Variants in CLASP1 observed in about 807,000 individuals in gnomAD.
CLASP1 encodes the protein cytoplasmic linker associated protein 1, also known as CLIP-associating protein 1.
In CLASP1, 38 loss-of-function variants were observed where a neutral mutation model predicts 192.3. The observed-to-expected ratio is 0.20, with a 90% CI of 0.15 to 0.26. The LOEUF (loss-of-function observed/expected upper bound fraction) is 0.26. Among genes scored for constraint, CLASP1 ranks in the 10% least tolerant of loss-of-function variants. The pLI is 1.00. For synonymous variants in CLASP1, 691 were observed against 712.8 expected (o/e 0.97, Z 0.49); for missense variants, 1,433 against 1,932.5 (o/e 0.74, Z 4.85).
chr2:121,648,891 C>T (rs145512197), intron 1 of CLASP1, among the ~76,000 whole-genome samples: 126 of 152,348 alleles, frequency 8.3e-4, no homozygotes, highest in African/African-American at 2.9e-3. Context: ...GACGGGAGCC[C>T]GGGCCGCCCG....
At chr2:121,574,096 G>A (rs28546858) in intron 2 of CLASP1, among the ~76,000 whole-genome samples, 12,514 of 152,224 alleles carry the variant, frequency 0.082, 595 homozygotes, top group African/African-American at 0.12. Flanking sequence ...CTGATGGCCC[G>A]AGGCGGGCAG....
At chr2:121,401,583 T>G (rs1282781193) in exon 28 of CLASP1, 3 of 1,613,166 alleles carry the variant, frequency 1.9e-6, no homozygotes, top group Non-Finnish European at 2.5e-6. Context: ...TCTTAAGTAA[T>G]TGTGTGAGAA....
chr2:121,572,094 A>G (rs552876434), intron 2 of CLASP1, among the ~76,000 whole-genome samples: 3 of 152,334 alleles, frequency 2.0e-5, no homozygotes, highest in Non-Finnish European at 2.9e-5. Flanking sequence ...AGGCAGAATT[A>G]GAAGAAAAAA....
chr2:121,535,649 G>A (rs1177201667), intron 2 of CLASP1, among the ~76,000 whole-genome samples: 1 of 151,678 alleles, frequency 6.6e-6, no homozygotes, highest in East Asian at 1.9e-4. Context: ...ACATTCATTA[G>A]AATTTTTTTT....
At chr2:121,613,689 T>G (rs937035622) in intron 1 of CLASP1, among the ~76,000 whole-genome samples, 1 of 151,920 alleles carries the variant, frequency 6.6e-6, no homozygotes, top group Non-Finnish European at 1.5e-5. Context: ...CTGTGGCACT[T>G]ACACACACTA....
rs536525615 is a variant in CLASP1 at position 121,642,376 on chromosome 2, G to C, written c.-286+6996C>G. The stretch of plus-strand genomic sequence containing the variant: ...GATCATACCACCACACTCCACCCTG[G>C]GTGACAGAGCAGGTATCTTTTTGCT... On this transcript the variant is annotated intron_variant, in intron 1 of 39. Coordinates refer to ENST00000263710, the Ensembl canonical transcript of CLASP1. Among the ~76,000 whole-genome samples, 3 of 150,498 alleles carry C rather than the reference G, an allele frequency of 2.0e-5. No homozygotes were observed. In the South Asian group the frequency reaches 6.3e-4, roughly 32 times the overall value.
rs1462536464 is a variant in CLASP1, at chr2:121,628,428, C to T, written c.-286+20944G>A. Among the ~76,000 whole-genome samples the T allele has an allele frequency of 1.2e-3, 177 of 152,234 alleles. 2 individuals are homozygous for T. The highest frequency in any genetic ancestry group is 1.2e-4 in the Non-Finnish European group (8 of 68,024). On this transcript the variant is annotated intron_variant, in intron 1 of 39. Coordinates refer to ENST00000263710, the Ensembl canonical transcript of CLASP1. ...CGATGGCTTACACCTGTAATCCCAG[C>T]ACTTTGGGAGCCTGAGGTGCGTGGA...
intron 1 of CLASP1, among the ~76,000 whole-genome samples, chr2:121,646,327 T>C (rs903582080): frequency 3.7e-4 from 56 of 152,218 alleles, no homozygotes; most frequent in African/African-American, 1.3e-3. Context: ...GTTGCCCAGG[T>C]TGGTCTCAAA....
At chr2:121,459,596 A>G (rs2087464474) in intron 12 of CLASP1, 1 of 160,434 alleles carries the variant, frequency 6.2e-6, no homozygotes, top group Non-Finnish European at 1.4e-5. Flanking sequence ...TTACTGCAGT[A>G]AATGCCTTTA....
chr2:121,408,001 T>C, intron 24 of CLASP1: 1 of 507,026 alleles, frequency 2.0e-6, no homozygotes, highest in South Asian at 1.8e-5. Context: ...GTGCCAACAC[T>C]GACTGGGCTG....
chr2:121,382,184 C>T (rs2071841192), intron 33 of CLASP1, 24 bp downstream of exon 34: 3 of 1,557,466 alleles, frequency 1.9e-6, no homozygotes, highest in South Asian at 2.3e-5. Context: ...ACACCTCAGA[C>T]AAGTTTGACA....
chr2:121,424,708 T>G (rs1015985187), intron 22 of CLASP1, among the ~76,000 whole-genome samples: 1 of 152,188 alleles, frequency 6.6e-6, no homozygotes, highest in Non-Finnish European at 1.5e-5. Context: ...CACCATAAGT[T>G]TCACCAATTA....
At chr2:121,647,095 C>T (rs556954341) in intron 1 of CLASP1, among the ~76,000 whole-genome samples, 13 of 144,390 alleles carry the variant, frequency 9.0e-5, no homozygotes, top group South Asian at 6.7e-4. Context: ...GGGCCGAGCG[C>T]GATTGCTCAC....
chr2:121,432,325 G>A (rs917191786), intron 19 of CLASP1, among the ~76,000 whole-genome samples: 12 of 152,052 alleles, frequency 7.9e-5, no homozygotes, highest in African/African-American at 2.9e-4. Context: ...GACCATGTTG[G>A]CCAGGCTGGT....
intron 9 of CLASP1, among the ~76,000 whole-genome samples, chr2:121,467,177 C>T (rs575054910): frequency 6.6e-6 from 1 of 152,198 alleles, no homozygotes; most frequent in South Asian, 2.1e-4. Context: ...ATGTGGTATA[C>T]ATGTACCACA....
intron 23 of CLASP1, among the ~76,000 whole-genome samples, chr2:121,412,922 C>T (rs929184220): frequency 1.3e-5 from 2 of 152,162 alleles, no homozygotes; most frequent in Non-Finnish European, 2.9e-5. Flanking sequence ...TATGACTGTG[C>T]TCTCAGTCTG....
intron 19 of CLASP1, among the ~76,000 whole-genome samples, chr2:121,442,180 C>T (rs1218277367): frequency 6.6e-6 from 1 of 152,134 alleles, no homozygotes. Context: ...AGAATGCATT[C>T]ATTTACCATA....
At chr2:121,531,051 A>C (rs537498090) in intron 2 of CLASP1, 1 of 697,634 alleles carries the variant, frequency 1.4e-6, no homozygotes, top group Non-Finnish European at 2.6e-6. Context: ...AACAGCAGTA[A>C]TTCGTAAATA....
intron 22 of CLASP1, among the ~76,000 whole-genome samples, chr2:121,419,655 T>C (rs2079163586): frequency 6.6e-6 from 1 of 151,864 alleles, no homozygotes; most frequent in African/African-American, 2.4e-5. Flanking sequence ...CAGGGTCTCA[T>C]AATAACTGGG....
Sources: gnomAD v4.1 joint callset for allele counts (sites outside exome capture counted in the v4.1 genomes callset) on GRCh38, gnomAD v4.1.1 for gene constraint, MANE v1.5 for transcripts, NCBI Gene and HGNC (gene_info 2026-07-23, HGNC 2026-07-21) for gene names.